Variants in SOX5 observed in about 807,000 individuals in gnomAD.
SOX5 encodes transcription factor SOX-5.
SOX5 carries 9 observed loss-of-function variants against 92.0 expected under a neutral mutation model. That is an observed-to-expected ratio of 0.10 (90% CI 0.06 to 0.17). The LOEUF (loss-of-function observed/expected upper bound fraction) is 0.17, where lower values mean the gene tolerates loss of function less well. SOX5 is among the 10% of genes least tolerant of loss of function. The pLI, the probability that SOX5 is intolerant of heterozygous loss-of-function variation, is 1.00. For synonymous variants in SOX5, 344 were observed against 336.3 expected, an observed-to-expected ratio of 1.02 and a Z score of -0.25; for missense variants, 642 against 944.5, an observed-to-expected ratio of 0.68 and a Z score of 4.20.
At chr12:23,842,939 C>T (rs1275943447) in intron 3 of SOX5, among the ~76,000 whole-genome samples, 5 of 152,078 alleles carry the variant, frequency 3.3e-5, no homozygotes, top group Admixed American at 6.6e-5. Flanking sequence ...GCAAGTTTAT[C>T]GTGGAGAAAC....
intron 2 of SOX5, among the ~76,000 whole-genome samples, chr12:24,352,203 T>C (rs755553242): frequency 1.3e-5 from 2 of 152,218 alleles, no homozygotes; most frequent in Non-Finnish European, 2.9e-5. Flanking sequence ...GTTTTCACAA[T>C]AGTGAATTCT....
In SOX5 at chr12:24,363,895, C is replaced by T. The variant is rs187160338; in HGVS notation, c.-174+4668G>A. Among the ~76,000 whole-genome samples, 3 of 152,282 alleles carry T rather than the reference C, an allele frequency of 2.0e-5. No homozygotes were observed. The East Asian group carries it at 5.8e-4, about 29-fold the overall frequency. On this transcript the variant is annotated intron_variant, in intron 2 of 4. Transcript: ENST00000446891. ...TGTGGCAAGAGCCCAAATCTGTCACCAACCTCAAGCTTTCTTTTATTTCCT... is the reference window on the plus strand; with the variant it reads ...TGTGGCAAGAGCCCAAATCTGTCACTAACCTCAAGCTTTCTTTTATTTCCT...
chr12:23,636,710 TC>T (rs1445930360), intron 8 of SOX5, among the ~76,000 whole-genome samples: 1 of 152,206 alleles, frequency 6.6e-6, no homozygotes, highest in African/African-American at 2.4e-5. Context: ...GCTACTTCTT[TC>T]ATTATTGCAA....
rs867330802 is a variant in SOX5 at position 24,282,368 on chromosome 12, C to A, written c.-173-5056G>T. On this transcript the variant is annotated intron_variant, in intron 2 of 4. Coordinates refer to the SOX5 transcript ENST00000446891. ...AACTTAAAGTATAATAAAAATAAAT[C>A]AATAAATAAAAATTAAAAAATAAAT... Among the ~76,000 whole-genome samples the A allele has an allele frequency of 2.7e-5, 4 of 150,224 alleles. No individual in the cohort carries two copies. In the South Asian group the frequency reaches 8.4e-4, roughly 31 times the overall value.
intron 3 of SOX5, among the ~76,000 whole-genome samples, 193 bp downstream of exon 3, chr12:23,845,790 A>G (rs930847177): frequency 2.0e-5 from 3 of 152,216 alleles, no homozygotes; most frequent in African/African-American, 7.2e-5. Flanking sequence ...ACATAAATTA[A>G]TGATTTAAAA....
chr12:23,906,997 G>T (rs1455555005), intron 1 of SOX5, among the ~76,000 whole-genome samples: 1 of 151,674 alleles, frequency 6.6e-6, no homozygotes, highest in African/African-American at 2.4e-5. Context: ...CTCTAATAAG[G>T]TATCTTTAAA....
intron 2 of SOX5, among the ~76,000 whole-genome samples, chr12:24,309,208 AC>A (rs1595442550): frequency 6.6e-6 from 1 of 152,346 alleles, no homozygotes; most frequent in East Asian, 1.9e-4. Flanking sequence ...TTAAATAGAA[AC>A]AACCGGCTTT....
At chr12:24,152,303 G>A (rs1002690489) in intron 4 of SOX5, among the ~76,000 whole-genome samples, 9 of 152,122 alleles carry the variant, frequency 5.9e-5, no homozygotes, top group African/African-American at 2.2e-4. Flanking sequence ...TTTTGTCTGT[G>A]TATTCCCAAT....
intron 2 of SOX5, among the ~76,000 whole-genome samples, chr12:23,850,386 G>A (rs996266330): frequency 4.7e-5 from 7 of 149,022 alleles, no homozygotes; most frequent in Admixed American, 2.7e-4. Flanking sequence ...CCAAGATTGC[G>A]CCACTGCACT....
At chr12:24,143,116 T>C (rs553280787) in intron 4 of SOX5, among the ~76,000 whole-genome samples, 1 of 152,192 alleles carries the variant, frequency 6.6e-6, no homozygotes, top group African/African-American at 2.4e-5. Flanking sequence ...TAGGAGAAAA[T>C]AATTAGCTCT....
chr12:24,219,922 G>C (rs1959999525), intron 3 of SOX5, among the ~76,000 whole-genome samples: 1 of 152,104 alleles, frequency 6.6e-6, no homozygotes, highest in African/African-American at 2.4e-5. Context: ...ATGTAAGCTT[G>C]AGTTCAGGCC....
At chr12:24,281,579 C>T (rs1420850525) in intron 2 of SOX5, among the ~76,000 whole-genome samples, 1 of 152,244 alleles carries the variant, frequency 6.6e-6, no homozygotes, top group Non-Finnish European at 1.5e-5. Flanking sequence ...TTGGGCAACG[C>T]TCACCGCATG....
chr12:24,467,556 A>T (rs759192949), intron 1 of SOX5, among the ~76,000 whole-genome samples: 14 of 152,262 alleles, frequency 9.2e-5, no homozygotes, highest in Non-Finnish European at 1.8e-4. Flanking sequence ...AGGAACCACA[A>T]ATAATGCATC....
At position 23,582,979 on chromosome 12, in the gene SOX5, C is replaced by T. The variant is rs556787604; in HGVS notation, c.1165-7141G>A. 1.5e-4 allele frequency among the ~76,000 whole-genome samples: 23 copies of T among 152,052 alleles called. 1 individual carries two copies. The highest frequency in any genetic ancestry group is 5.3e-4 in the African/African-American group (22 of 41,502). On this transcript the variant is annotated intron_variant, in intron 9 of 14. Coordinates refer to ENST00000451604, the MANE Select transcript of SOX5 (RefSeq NM_006940.6). Reference sequence around the variant, plus strand: ...GTATCTTAATATTTTCCTTGTTTTCCGACTTTGTTGAATTAATGCCTCGAT... The same window carrying T: ...GTATCTTAATATTTTCCTTGTTTTCTGACTTTGTTGAATTAATGCCTCGAT...
At chr12:23,695,984 CAAAACAAA>C (rs1422320311) in intron 6 of SOX5, among the ~76,000 whole-genome samples, 1 of 75,462 alleles carries the variant, frequency 1.3e-5, no homozygotes, top group East Asian at 3.7e-4. Flanking sequence ...CAACAAAAAA[CAAAACAAA>C]AAAACAAAAA....
At chr12:24,120,888 A>G (rs1238514834) in intron 4 of SOX5, among the ~76,000 whole-genome samples, 1 of 152,234 alleles carries the variant, frequency 6.6e-6, no homozygotes, top group East Asian at 1.9e-4. Flanking sequence ...TGGAAAACAA[A>G]AATAAGACTG....
Position 24,421,621 on chromosome 12 carries a change from T to C in SOX5, c.-250-52982A>G, listed in dbSNP as rs376026035. 7.9e-5 allele frequency among the ~76,000 whole-genome samples: 12 copies of C among 152,326 alleles called. No individual in the cohort carries two copies. The South Asian group carries it at 2.5e-3, about 32-fold the overall frequency. On this transcript the variant is annotated intron_variant, in intron 1 of 4. Transcript: ENST00000446891. ...GTTATGATGCTGTTTTACCTAGTGG[T>C]AAAAGATTCCTCTGCTCTCAGTTCA...
intron 3 of SOX5, among the ~76,000 whole-genome samples, chr12:23,818,082 G>A (rs2096031553): frequency 6.6e-6 from 1 of 152,130 alleles, no homozygotes; most frequent in South Asian, 2.1e-4. Flanking sequence ...CAAAATAATA[G>A]AACATAGGAC....
chr12:24,066,641 A>C (rs1477406282), intron 4 of SOX5, among the ~76,000 whole-genome samples: 2 of 152,236 alleles, frequency 1.3e-5, no homozygotes, highest in Non-Finnish European at 2.9e-5. Context: ...AAAAAGTTCT[A>C]CATTTCTGCA....
Sources: gnomAD v4.1 joint callset for allele counts (sites outside exome capture counted in the v4.1 genomes callset) on GRCh38, gnomAD v4.1.1 for gene constraint, MANE v1.5 for transcripts, NCBI Gene and HGNC (gene_info 2026-07-23, HGNC 2026-07-21) for gene names.